Variants in GSE1 observed in about 807,000 individuals in gnomAD.
GSE1 encodes genetic suppressor element 1.
A neutral mutation model predicts 112.6 loss-of-function variants in GSE1; 32 were observed. The ratio of observed to expected loss-of-function variants is 0.28; its 90% CI spans 0.21 to 0.38. GSE1 has a LOEUF of 0.38. Ranked by LOEUF, GSE1 falls within the 10% of genes least tolerant of loss-of-function variation. The probability of loss-of-function intolerance (pLI) is 1.00; values close to 1 mark genes in which losing one functional copy is unlikely to be tolerated. For synonymous variants in GSE1, 1,115 were observed against 735.6 expected, an observed-to-expected ratio of 1.52 and a Z score of -8.35; for missense variants, 2,348 against 1,699.2, an observed-to-expected ratio of 1.38 and a Z score of -6.71.
chr16:85,675,284 C>G lies in GSE1; in HGVS notation c.*2745C>G, dbSNP rs1303822179. On this transcript the variant is annotated 3_prime_UTR_variant, in exon 16 of 16. Transcript: ENST00000253458. The stretch of plus-strand genomic sequence containing the variant: ...TCCTTAGACCATCTTCCTACATTAC[C>G]TGGAAGGGAGCTGCCATCTGTCCCT... The G allele has an allele frequency of 6.6e-6, 1 of 152,172 alleles. No individual in the cohort carries two copies. The allele number at this position is 152,172 out of a possible 1,614,324, so 9.4% of individuals were successfully genotyped here.
At chr16:85,446,474 C>T (rs1046106569) in intron 2 of GSE1, among the ~76,000 whole-genome samples, 56 of 152,332 alleles carry the variant, frequency 3.7e-4, no homozygotes, top group African/African-American at 1.3e-3. Context: ...TCCCCCCACT[C>T]GGCATTGCTG....
At chr16:85,383,113 C>T (rs1478130881) in intron 2 of GSE1, among the ~76,000 whole-genome samples, 1 of 151,982 alleles carries the variant, frequency 6.6e-6, no homozygotes, top group Non-Finnish European at 1.5e-5. Context: ...TGTGCACCCA[C>T]ACACAGCTCT....
intron 2 of GSE1, among the ~76,000 whole-genome samples, chr16:85,635,139 TG>T (rs1232877064): frequency 6.6e-6 from 1 of 152,132 alleles, no homozygotes; most frequent in Non-Finnish European, 1.5e-5. Context: ...CAGGGCGGGC[TG>T]GGGGGACTTC....
chr16:85,311,471 G>A lies in GSE1; in HGVS notation c.2284-45992G>A, dbSNP rs368661646. Among the ~76,000 whole-genome samples, 5 of 141,408 alleles carry A rather than the reference G, an allele frequency of 3.5e-5. No individual in the cohort carries two copies. The East Asian group carries it at 1.0e-3, about 29-fold the overall frequency. 92.8% of individuals were successfully genotyped at this position (141,408 alleles called of 152,430 possible). On this transcript the variant is annotated intron_variant, in intron 1 of 2. Transcript: ENST00000637419. This position sits in a 1 kb window ranked among gnomAD's most constrained non-coding sequence, Gnocchi z 4.2. ...CTGCTGGGGACAGGACGTGGGCGGAGCCCTCGGCTGCCTCCCACCGTGGGA... is the reference window on the plus strand; with the variant it reads ...CTGCTGGGGACAGGACGTGGGCGGAACCCTCGGCTGCCTCCCACCGTGGGA...
chr16:85,321,916 G>T (rs1403155014), intron 1 of GSE1, among the ~76,000 whole-genome samples: 2 of 152,204 alleles, frequency 1.3e-5, no homozygotes, highest in African/African-American at 4.8e-5. Flanking sequence ...AGCAGATGCA[G>T]CCTAAGGTCC....
chr16:85,589,823 T>A (rs7201644), intron 1 of GSE1, among the ~76,000 whole-genome samples: 1 of 145,090 alleles, frequency 6.9e-6, no homozygotes, highest in African/African-American at 2.9e-5. Flanking sequence ...TGAGTGTGAA[T>A]ATGTGTGAAT....
At chr16:85,630,094 G>T (rs1204394512) in intron 1 of GSE1, among the ~76,000 whole-genome samples, 1 of 152,178 alleles carries the variant, frequency 6.6e-6, no homozygotes, top group Non-Finnish European at 1.5e-5. Context: ...CATGGCTGTT[G>T]GCTGGAGGCC....
chr16:85,400,713 T>C (rs2048088599), intron 2 of GSE1, among the ~76,000 whole-genome samples: 1 of 151,746 alleles, frequency 6.6e-6, no homozygotes, highest in African/African-American at 2.4e-5. Flanking sequence ...GTTGTATGTG[T>C]CTGTGTCTCT....
chr16:85,293,641 G>C (rs75255158), intron 1 of GSE1, among the ~76,000 whole-genome samples: 2,239 of 152,314 alleles, frequency 0.015, 73 homozygotes, highest in African/African-American at 0.051. Context: ...CAGGGTGTCA[G>C]CGGGACGGCT....
intron 1 of GSE1, among the ~76,000 whole-genome samples, chr16:85,577,596 G>A (rs2046280605): frequency 6.6e-6 from 1 of 152,188 alleles, no homozygotes; most frequent in South Asian, 2.1e-4. Context: ...TTTCACAGAG[G>A]AGGGGCTGAC....
intron 1 of GSE1, among the ~76,000 whole-genome samples, chr16:85,353,475 A>G (rs1055406751): frequency 7.8e-5 from 3 of 38,380 alleles, no homozygotes; most frequent in Admixed American, 6.3e-4. Flanking sequence ...TCAAAAGCAC[A>G]GGGTTTTCAC....
upstream of GSE1, chr16:85,555,521 C>G (rs1598163754): frequency 2.0e-6 from 2 of 984,600 alleles, no homozygotes; most frequent in East Asian, 2.3e-4. Flanking sequence ...CCCCTCGGTA[C>G]TTCTTGGCTG....
intron 2 of GSE1, among the ~76,000 whole-genome samples, chr16:85,482,834 C>T (rs2050721770): frequency 6.6e-6 from 1 of 152,102 alleles, no homozygotes; most frequent in Non-Finnish European, 1.5e-5. Flanking sequence ...AAAGATTAGC[C>T]AGGCATGGTG....
chr16:85,177,612 A>G (rs1319633216), intron 1 of GSE1, among the ~76,000 whole-genome samples: 1 of 152,150 alleles, frequency 6.6e-6, no homozygotes, highest in Non-Finnish European at 1.5e-5. Flanking sequence ...TCATTCTGCC[A>G]TCTCGTGCTG....
intron 1 of GSE1, among the ~76,000 whole-genome samples, chr16:85,614,177 C>T (rs1157040340): frequency 1.3e-5 from 2 of 148,654 alleles, no homozygotes; most frequent in African/African-American, 4.9e-5. Context: ...TGGCCTTTTT[C>T]CCTCCCCGGC....
upstream of GSE1, among the ~76,000 whole-genome samples, chr16:85,612,104 C>T (rs1328156802): frequency 6.6e-6 from 1 of 151,902 alleles, no homozygotes; most frequent in African/African-American, 2.4e-5. Flanking sequence ...AGGGAGCGAC[C>T]CCGGGGCCTC....
chr16:85,660,537 G>A (rs1157756552), intron 8 of GSE1, among the ~76,000 whole-genome samples: 9 of 152,274 alleles, frequency 5.9e-5, no homozygotes, highest in African/African-American at 2.2e-4. Flanking sequence ...TACTCGGGAG[G>A]CTGAAGCTGG....
At position 85,617,592 on chromosome 16, in the gene GSE1, ACCCTCCCCC is replaced by A. The variant is rs1305890298; in HGVS notation, c.7+4198_7+4206del. Among the ~76,000 whole-genome samples the A allele has an allele frequency of 5.6e-3, 452 of 80,058 alleles. 18 individuals are homozygous for A. Among genetic ancestry groups the A allele is most frequent in the African/African-American group, 0.019 (428 of 22,032 alleles). The allele number at this position is 80,058 out of a possible 152,430, so 52.5% of individuals were successfully genotyped here. The stretch of plus-strand genomic sequence containing the variant: ...ATGCAGCCTGGGCATCCGTGTGTCA[ACCCTCCCCC>A]CCCCCCCCCCGTTAACTGCCACGTG... On this transcript the variant is annotated intron_variant, in intron 1 of 15. Coordinates refer to ENST00000253458, the MANE Select transcript of GSE1 (RefSeq NM_014615.5).
intron 1 of GSE1, among the ~76,000 whole-genome samples, chr16:85,573,621 G>A (rs74319873): frequency 0.041 from 6,229 of 152,154 alleles, 340 homozygotes; most frequent in Admixed American, 0.13. Context: ...ATCAAGTAGC[G>A]TATTTTATTT....
Sources: gnomAD v4.1 joint callset for allele counts (sites outside exome capture counted in the v4.1 genomes callset) on GRCh38, gnomAD v4.1.1 for gene constraint, Gnocchi (gnomAD v3.1) non-coding constraint, MANE v1.5 for transcripts, NCBI Gene and HGNC (gene_info 2026-07-23, HGNC 2026-07-21) for gene names.